METTL15: variants seen among roughly 807,000 people sequenced by gnomAD.
The protein encoded by METTL15 is 12S rRNA N(4)-cytidine methyltransferase METTL15.
Under a neutral mutation model 38.3 loss-of-function variants are expected in METTL15, and 34 were observed. The observed-to-expected ratio is 0.89, with a 90% CI of 0.68 to 1.18. The LOEUF (loss-of-function observed/expected upper bound fraction) is 1.18. Among genes scored for constraint, METTL15 ranks in the 50% most tolerant of loss-of-function variants. The pLI, the probability that METTL15 is intolerant of heterozygous loss-of-function variation, is 0.00. For missense variants in METTL15, 438 were observed against 498.4 expected, an observed-to-expected ratio of 0.88 and a Z score of 1.15; for synonymous variants, 162 against 170.9, an observed-to-expected ratio of 0.95 and a Z score of 0.41.
intron 6 of METTL15, among the ~76,000 whole-genome samples, chr11:28,503,362 A>T: frequency 6.6e-6 from 1 of 152,264 alleles, no homozygotes; most frequent in East Asian, 1.9e-4. Flanking sequence ...CATAGTGAGC[A>T]TTGTGCTAAA....
At chr11:28,150,006 G>A (rs1029592731) in intron 3 of METTL15, among the ~76,000 whole-genome samples, 4 of 151,738 alleles carry the variant, frequency 2.6e-5, no homozygotes, top group East Asian at 3.9e-4. Context: ...GCCCAATGTC[G>A]CTTCTTTGAA....
chr11:28,122,022 C>G, intron 3 of METTL15: 2 of 516,858 alleles, frequency 3.9e-6, no homozygotes, highest in Non-Finnish European at 5.3e-6. Flanking sequence ...TATATTTGAT[C>G]ATTTAATAAA....
intron 4 of METTL15, among the ~76,000 whole-genome samples, chr11:28,237,058 G>T (rs1183843493): frequency 2.6e-5 from 4 of 151,946 alleles, no homozygotes; most frequent in African/African-American, 9.7e-5. Context: ...TTCAACTTTG[G>T]TGAATCTGAT....
intron 6 of METTL15, among the ~76,000 whole-genome samples, chr11:28,525,165 G>A (rs1185799947): frequency 2.6e-5 from 4 of 152,146 alleles, no homozygotes; most frequent in African/African-American, 7.2e-5. Context: ...AAGATTTATT[G>A]CAAAGAGCAA....
At chr11:28,392,439 A>G (rs1030606703) in intron 5 of METTL15, among the ~76,000 whole-genome samples, 4 of 152,100 alleles carry the variant, frequency 2.6e-5, no homozygotes, top group South Asian at 4.1e-4. Flanking sequence ...CCTTTGGTAT[A>G]TGGTCAAATG....
At chr11:28,378,753 C>T (rs1395815848) in intron 5 of METTL15, among the ~76,000 whole-genome samples, 1 of 135,900 alleles carries the variant, frequency 7.4e-6, no homozygotes, top group African/African-American at 2.7e-5. Context: ...AGTATTCCCT[C>T]CTCTTCAGTT....
At chr11:28,518,545 A>G (rs1851738320) in intron 6 of METTL15, among the ~76,000 whole-genome samples, 1 of 152,162 alleles carries the variant, frequency 6.6e-6, no homozygotes, top group Admixed American at 6.5e-5. Flanking sequence ...CAGTTTGGGA[A>G]CTGAACAGCC....
At chr11:28,517,861 C>T (rs1479522678) in intron 6 of METTL15, among the ~76,000 whole-genome samples, 1 of 152,234 alleles carries the variant, frequency 6.6e-6, no homozygotes, top group Non-Finnish European at 1.5e-5. Flanking sequence ...AACAATGGTC[C>T]TTCTGCCTAC....
chr11:28,505,048 G>A (rs1590397339), intron 6 of METTL15, among the ~76,000 whole-genome samples: 1 of 152,304 alleles, frequency 6.6e-6, no homozygotes, highest in South Asian at 2.1e-4. Flanking sequence ...GTTAAAGCTG[G>A]TTGCATTGGC....
At chr11:28,154,335 G>T (rs1248244479) in intron 3 of METTL15, among the ~76,000 whole-genome samples, 1 of 152,044 alleles carries the variant, frequency 6.6e-6, no homozygotes, top group African/African-American at 2.4e-5. Context: ...ACCTTATAGG[G>T]TAGTAAATTC....
At chr11:28,479,716 G>C (rs913471792) in intron 6 of METTL15, among the ~76,000 whole-genome samples, 5 of 152,020 alleles carry the variant, frequency 3.3e-5, no homozygotes, top group African/African-American at 9.7e-5. Flanking sequence ...TCTTTCTGAA[G>C]AACATAACCA....
intron 6 of METTL15, among the ~76,000 whole-genome samples, chr11:28,485,973 C>T (rs751387566): frequency 6.6e-6 from 1 of 152,096 alleles, no homozygotes; most frequent in Non-Finnish European, 1.5e-5. Context: ...AATTAGGACC[C>T]GACTCTTAAG....
intron 3 of METTL15, among the ~76,000 whole-genome samples, chr11:28,118,823 T>C (rs746700197): frequency 5.3e-5 from 8 of 152,208 alleles, no homozygotes; most frequent in Non-Finnish European, 1.2e-4. Context: ...AGAGAACCTA[T>C]CTCACTCCTG....
chr11:28,167,167 G>A (rs1211766584), intron 3 of METTL15, among the ~76,000 whole-genome samples: 2 of 152,090 alleles, frequency 1.3e-5, no homozygotes, highest in Non-Finnish European at 2.9e-5. Flanking sequence ...AAATGAATGT[G>A]GCTAATTATT....
intron 6 of METTL15, among the ~76,000 whole-genome samples, chr11:28,496,610 G>A (rs1434568969): frequency 6.6e-6 from 1 of 152,186 alleles, no homozygotes; most frequent in Non-Finnish European, 1.5e-5. Flanking sequence ...GTGGATATAT[G>A]GGACTCAGTG....
chr11:28,166,163 C>G (rs1565136347), intron 3 of METTL15, among the ~76,000 whole-genome samples: 1 of 152,048 alleles, frequency 6.6e-6, no homozygotes, highest in Non-Finnish European at 1.5e-5. Flanking sequence ...TTGCATTTTT[C>G]ATTTCTGGGA....
intron 4 of METTL15, among the ~76,000 whole-genome samples, chr11:28,247,747 A>G (rs1022678976): frequency 6.6e-6 from 1 of 152,136 alleles, no homozygotes; most frequent in African/African-American, 2.4e-5. Flanking sequence ...TTAGTGGTAC[A>G]GTAGATGGCT....
At chr11:28,416,166 C>T (rs1397994670) in intron 5 of METTL15, among the ~76,000 whole-genome samples, 8 of 152,222 alleles carry the variant, frequency 5.3e-5, no homozygotes, top group Non-Finnish European at 8.8e-5. Flanking sequence ...CCCATGTTCC[C>T]GGCCCTTCTC....
rs544665880 is a variant in METTL15 at position 28,201,922 on chromosome 11, C to T, written c.271-9140C>T. 3.1e-4 allele frequency among the ~76,000 whole-genome samples: 47 copies of T among 151,926 alleles called. 1 individual carries two copies. The highest frequency in any genetic ancestry group is 5.4e-4 in the Non-Finnish European group (37 of 67,988). On this transcript the variant is annotated intron_variant, in intron 3 of 6. Transcript: ENST00000407364. ...ACATATTCTGTATGGCTAGAAAATA[C>T]GTTGTAAAATTCATTTTTGAGAGTA...
Sources: allele counts gnomAD v4.1 joint callset (sites outside exome capture counted in the v4.1 genomes callset), GRCh38; gene constraint gnomAD v4.1.1; transcripts MANE v1.5; gene names NCBI Gene and HGNC (gene_info 2026-07-23, HGNC 2026-07-21).